The following VSIG10 variants were observed in gnomAD, a reference collection of about 807,000 sequenced individuals.
VSIG10 encodes V-set and immunoglobulin domain-containing protein 10.
Under a neutral mutation model 58.7 loss-of-function variants are expected in VSIG10, and 48 were observed. The ratio of observed to expected loss-of-function variants is 0.82; its 90% confidence interval spans 0.65 to 1.04. The LOEUF is 1.04. Among genes scored for constraint, VSIG10 ranks in the 50% least tolerant of loss-of-function variants. The probability of loss-of-function intolerance (pLI) is 0.00; values close to 1 mark genes in which losing one functional copy is unlikely to be tolerated. For synonymous variants in VSIG10, 260 were observed against 267.1 expected (o/e 0.97, Z 0.26); for missense variants, 628 against 670.0 (o/e 0.94, Z 0.69).
intron 2 of VSIG10, among the ~76,000 whole-genome samples, chr12:118,089,830 C>A (rs1013217338): frequency 6.6e-6 from 1 of 152,146 alleles, no homozygotes; most frequent in African/African-American, 2.4e-5. Context: ...TTTTCCAAAC[C>A]TGTGCATTTT....
At chr12:118,082,017 T>TAAA (rs11413291) in intron 3 of VSIG10, 110 bp downstream of exon 3, 1,118 of 848,282 alleles carry the variant, frequency 1.3e-3, no homozygotes, top group East Asian at 2.0e-3. Context: ...AACTCCATCT[T>TAAA]AAAAAAAAAA....
chr12:118,085,632 C>A (rs1454855708), intron 2 of VSIG10, among the ~76,000 whole-genome samples: 1 of 152,084 alleles, frequency 6.6e-6, no homozygotes, highest in Non-Finnish European at 1.5e-5. Context: ...GAGGCCGAGG[C>A]GGGTGGATCA....
chr12:118,103,715 C>A lies in VSIG10; in HGVS notation c.-44G>T, dbSNP rs2033680241. On this transcript the variant is annotated 5_prime_UTR_variant, in exon 1 of 9. Transcript: ENST00000359236. ...TCAGGAAACGCAGGCTCGGGCTGGG[C>A]TGGACGTGTGTGCCCCAGGGCCCCG... 4 of 1,432,902 alleles carry A rather than the reference C, an allele frequency of 2.8e-6. No individual in the cohort carries two copies. The highest frequency in any genetic ancestry group is 1.4e-5 in the South Asian group (1 of 71,006). The allele number at this position is 1,432,902 out of a possible 1,614,324, so 88.8% of individuals were successfully genotyped here. A position where few individuals can be genotyped will look rare whatever the true frequency, so the allele number is the denominator to read the frequency against.
chr12:118,093,089 AC>A (rs1382173223), intron 2 of VSIG10, among the ~76,000 whole-genome samples: 1 of 151,166 alleles, frequency 6.6e-6, no homozygotes, highest in Admixed American at 6.6e-5. Flanking sequence ...GGAGATCGAG[AC>A]CATCCTGGCT....
Position 118,103,729 on chromosome 12 carries a change from C to T in VSIG10, c.-58G>A. ...CTCGGGCTGGGCTGGACGTGTGTGC[C>T]CCAGGGCCCCGGGGCCCGGGGTACC... On this transcript the variant is annotated 5_prime_UTR_variant, in exon 1 of 9. Coordinates refer to ENST00000359236, the MANE Select transcript of VSIG10 (RefSeq NM_019086.6). The T allele has an allele frequency of 1.4e-6, 2 of 1,385,520 alleles. No individual in the cohort carries two copies. Among genetic ancestry groups the T allele is most frequent in the Non-Finnish European group, 1.9e-6 (2 of 1,075,008 alleles). The allele number at this position is 1,385,520 out of a possible 1,614,324, so 85.8% of individuals were successfully genotyped here.
chr12:118,069,723 G>A (rs956845297), intron 7 of VSIG10, among the ~76,000 whole-genome samples: 2 of 152,044 alleles, frequency 1.3e-5, no homozygotes, highest in African/African-American at 2.4e-5. Flanking sequence ...CACTGCACCC[G>A]GCCTGGACTA....
At chr12:118,073,641 T>TG in intron 5 of VSIG10, 58 bp downstream of exon 5, 1 of 1,534,968 alleles carries the variant, frequency 6.5e-7, no homozygotes, top group Non-Finnish European at 8.8e-7. Flanking sequence ...CTCATGCTGA[T>TG]GCTGGGTGCT....
chr12:118,073,147 GAACTCCCAACC>G lies in VSIG10; in HGVS notation c.1219+541_1219+551del, dbSNP rs1490291611. The stretch of plus-strand genomic sequence containing the variant: ...GCCACCATGCTCAGCTAATGGTCTC[GAACTCCCAACC>G]TCAGGTGATCTGCCCATCTCAGCCT... On this transcript the variant is annotated intron_variant, in intron 5 of 8. Coordinates refer to ENST00000359236, the MANE Select transcript of VSIG10 (RefSeq NM_019086.6). Among the ~76,000 whole-genome samples the G allele has an allele frequency of 3.9e-5, 6 of 152,046 alleles. No individual in the cohort carries two copies. In the South Asian group the frequency reaches 1.3e-3, roughly 32 times the overall value.
intron 4 of VSIG10, among the ~76,000 whole-genome samples, chr12:118,074,412 T>C (rs901149054): frequency 3.3e-5 from 5 of 151,384 alleles, no homozygotes; most frequent in African/African-American, 4.9e-5. Context: ...GATTTCACTT[T>C]CTGAGGTTTC....
Position 118,075,114 on chromosome 12 carries a change from ATG to A in VSIG10, c.926-1124_926-1123del, listed in dbSNP as rs748679871. On this transcript the variant is annotated intron_variant, in intron 4 of 8. Coordinates refer to ENST00000359236, the MANE Select transcript of VSIG10 (RefSeq NM_019086.6). ...TATGTATATATGTATATATGTGTATATGTATATATATGTGTATATATGTATAT... is the reference window on the plus strand; with the variant it reads ...TATGTATATATGTATATATGTGTATATATATATATGTGTATATATGTATAT... 2.3e-3 allele frequency among the ~76,000 whole-genome samples: 345 copies of A among 148,054 alleles called. 2 individuals carry two copies. Among genetic ancestry groups the A allele is most frequent in the Non-Finnish European group, 4.4e-3 (294 of 67,376 alleles).
intron 1 of VSIG10, among the ~76,000 whole-genome samples, chr12:118,096,630 G>C (rs2033468357): frequency 6.6e-6 from 1 of 150,418 alleles, no homozygotes; most frequent in African/African-American, 2.4e-5. Flanking sequence ...GTCCCAGCTA[G>C]TTGGGAGTCT....
chr12:118,089,575 A>G (rs1478330984), intron 2 of VSIG10, among the ~76,000 whole-genome samples: 1 of 152,146 alleles, frequency 6.6e-6, no homozygotes, highest in African/African-American at 2.4e-5. Flanking sequence ...AGTGGGAACC[A>G]AACAGTGGGG....
intron 2 of VSIG10, among the ~76,000 whole-genome samples, chr12:118,091,408 T>C (rs2033292793): frequency 6.6e-6 from 1 of 150,716 alleles, no homozygotes; most frequent in Non-Finnish European, 1.5e-5. Flanking sequence ...AGGAGAATGG[T>C]GTGAACCCGG....
intron 3 of VSIG10, 105 bp downstream of exon 3, chr12:118,082,022 A>T: frequency 8.7e-7 from 1 of 1,149,694 alleles, no homozygotes; most frequent in Non-Finnish European, 1.2e-6. Context: ...CATCTTAAAA[A>T]AAAAAAAAAA....
Position 118,073,970 on chromosome 12 carries a change from C to A in VSIG10, c.948G>T (p.Glu316Asp). The A allele has an allele frequency of 6.3e-7, 1 of 1,577,470 alleles. No homozygotes were observed. The highest frequency in any genetic ancestry group is 8.6e-7 in the Non-Finnish European group (1 of 1,159,786). ...CCCCAGTGAAGCAAGTCTTCATGGG[C>A]TCAGAGAGAAGGGAGGGACCCCCTG... ...VQIRGPSLLS[E>D]PMKTCFTGGN... Residue 316 changes from glutamate (E) to aspartate (D), a missense_variant, in exon 5 of 9, where the codon GAG becomes GAT. Coordinates refer to ENST00000359236, the MANE Select transcript of VSIG10 (RefSeq NM_019086.6).
intron 4 of VSIG10, among the ~76,000 whole-genome samples, chr12:118,075,166 ATATATG>A (rs2032671973): frequency 7.1e-6 from 1 of 141,064 alleles, no homozygotes; most frequent in African/African-American, 2.7e-5. Context: ...ATATATGTAT[ATATATG>A]TATATATGTG....
intron 1 of VSIG10, among the ~76,000 whole-genome samples, chr12:118,100,008 G>A (rs999594855): frequency 6.6e-6 from 1 of 152,244 alleles, no homozygotes; most frequent in African/African-American, 2.4e-5. Context: ...CTTGCTGAAA[G>A]GTGGAGAATG....
intron 5 of VSIG10, 140 bp from the exon 6 acceptor site, chr12:118,071,609 G>A: frequency 1.4e-6 from 1 of 703,190 alleles, no homozygotes; most frequent in Non-Finnish European, 2.5e-6. Flanking sequence ...TGTAATGCCA[G>A]ATAAATATTT....
chr12:118,087,855 A>AAAG (rs766337791), intron 2 of VSIG10, among the ~76,000 whole-genome samples: 12 of 131,240 alleles, frequency 9.1e-5, no homozygotes, highest in Admixed American at 2.5e-4. Flanking sequence ...AAAAAAAAAA[A>AAAG]AGAGAGAGAA....
Sources: allele counts gnomAD v4.1 joint callset (sites outside exome capture counted in the v4.1 genomes callset), GRCh38; gene constraint gnomAD v4.1.1; transcripts MANE v1.5; gene names NCBI Gene and HGNC (gene_info 2026-07-23, HGNC 2026-07-21).